The following FAM110C variants were observed in gnomAD, a reference collection of about 807,000 sequenced individuals.
FAM110C encodes the protein protein FAM110C.
Under a neutral mutation model 15.7 loss-of-function variants are expected in FAM110C, and 19 were observed. The ratio of observed to expected loss-of-function variants is 1.21; its 90% CI spans 0.85 to 1.78. The LOEUF (loss-of-function observed/expected upper bound fraction) is 1.78. Among genes scored for constraint, FAM110C ranks in the 40% most tolerant of loss-of-function variants. The pLI is 0.00. For missense variants in FAM110C, 547 were observed against 495.7 expected (o/e 1.10, Z -0.98); for synonymous variants, 275 against 233.9 (o/e 1.18, Z -1.61).
At chr2:43,599 C>G in intron 1 of FAM110C, 1 of 985,418 alleles carries the variant, frequency 1.0e-6, no homozygotes, top group Non-Finnish European at 1.2e-6. Flanking sequence ...TCATTCAGGT[C>G]ACTCTTTTGA....
chr2:46,172 C>A lies in FAM110C; in HGVS notation c.214G>T (p.Gly72Trp). The change falls in exon 1 of 2, where the codon GGG becomes TGG. Residue 72 changes from glycine (G) to tryptophan (W), a missense_variant. By Grantham distance (184) the Gly-to-Trp change is radical (BLOSUM62 -2). Transcript: ENST00000327669. Reference sequence around the variant, plus strand: ...CGGGCCGGGGGCCCAGGGTCGTTCCCCGGGCACTTGATCGCCCCCGGGCCG... The same window carrying A: ...CGGGCCGGGGGCCCAGGGTCGTTCCACGGGCACTTGATCGCCCCCGGGCCG... ...GSGPGAIKCP[G>W]NDPGPPARAP... 1 of 1,398,042 alleles carries A rather than the reference C, an allele frequency of 7.2e-7. No individual in the cohort carries two copies. The highest frequency in any genetic ancestry group is 2.9e-5 in the East Asian group (1 of 33,986). 86.6% of individuals were successfully genotyped at this position (1,398,042 alleles called of 1,614,324 possible).
intron 1 of FAM110C, chr2:43,828 ACT>A: frequency 1.0e-6 from 1 of 985,374 alleles, no homozygotes; most frequent in South Asian, 4.7e-5. Context: ...TCAATAGACA[ACT>A]TTTTTTTGTT....
chr2:42,971 C>G, intron 1 of FAM110C: 2 of 985,422 alleles, frequency 2.0e-6, no homozygotes, highest in Middle Eastern at 5.2e-4. Flanking sequence ...AGAGGACCGC[C>G]CCACTGACCA....
intron 1 of FAM110C, chr2:42,196 A>C: frequency 1.0e-6 from 1 of 985,284 alleles, no homozygotes; most frequent in Non-Finnish European, 1.2e-6. Context: ...TCCCGGGTTT[A>C]TTTTTTCTGC....
chr2:44,211 G>A lies in FAM110C; in HGVS notation c.946+1229C>T, dbSNP rs1016199291. On this transcript the variant is annotated intron_variant, in intron 1 of 1. Coordinates refer to ENST00000327669, the MANE Select transcript of FAM110C (RefSeq NM_001077710.3). ...CTATATATATTTGTTGGGAACTTAGGCTAGTGGAAAACACAAATCTTCTAT... is the reference window on the plus strand; with the variant it reads ...CTATATATATTTGTTGGGAACTTAGACTAGTGGAAAACACAAATCTTCTAT... 4.1e-5 allele frequency: 40 copies of A among 985,332 alleles called. No homozygotes were observed. In the East Asian group the frequency reaches 2.9e-3, roughly 73 times the overall value. 61.0% of individuals were successfully genotyped at this position (985,332 alleles called of 1,614,324 possible). A position where few individuals can be genotyped will look rare whatever the true frequency, so the allele number is the denominator to read the frequency against.
chr2:45,861 C>A lies in FAM110C; in HGVS notation c.525G>T (p.Ala175=). 6.7e-7 allele frequency: 1 copy of A among 1,498,042 alleles called. No individual in the cohort carries two copies. Among genetic ancestry groups the A allele is most frequent in the South Asian group, 1.3e-5 (1 of 77,536 alleles). The allele number at this position is 1,498,042 out of a possible 1,614,324, so 92.8% of individuals were successfully genotyped here. A position where few individuals can be genotyped will look rare whatever the true frequency, so the allele number is the denominator to read the frequency against. ...GCGCGGCCGGGACACTGGAGGGCGCCGCGGACCGCGCGGCTGGGGCTGGGG... is the reference window on the plus strand; with the variant it reads ...GCGCGGCCGGGACACTGGAGGGCGCAGCGGACCGCGCGGCTGGGGCTGGGG... ...PETPAPAARS[A]APSSVPAAPP... Residue 175 remains alanine (A), a synonymous_variant, in exon 1 of 2, where the codon GCG becomes GCT. Coordinates refer to ENST00000327669, the MANE Select transcript of FAM110C (RefSeq NM_001077710.3).
At chr2:44,930 T>G (rs1251263824) in intron 1 of FAM110C, 1 of 985,246 alleles carries the variant, frequency 1.0e-6, no homozygotes, top group African/African-American at 1.7e-5. Flanking sequence ...TCCAGGAAAG[T>G]GCAGGGAGTC....
rs1292295633 is a variant in FAM110C, at chr2:40,182, A to T, written c.*1426T>A. ...ATTTAAAATTATACTGACAAAAACTAAAATCATATGAAGTAAAATAAAACT... is the reference window on the plus strand; with the variant it reads ...ATTTAAAATTATACTGACAAAAACTTAAATCATATGAAGTAAAATAAAACT... On this transcript the variant is annotated 3_prime_UTR_variant, in exon 2 of 2. Coordinates refer to ENST00000327669, the MANE Select transcript of FAM110C (RefSeq NM_001077710.3). 6.6e-6 allele frequency: 1 copy of T among 152,220 alleles called. No homozygotes were observed. Among genetic ancestry groups the T allele is most frequent in the Non-Finnish European group, 1.5e-5 (1 of 68,038 alleles). The allele number at this position is 152,220 out of a possible 1,614,324, so 9.4% of individuals were successfully genotyped here.
chr2:45,004 A>T, intron 1 of FAM110C: 2 of 985,342 alleles, frequency 2.0e-6, no homozygotes, highest in Non-Finnish European at 2.4e-6. Context: ...GGTCAGCTCC[A>T]ATCAAACATC....
Position 45,597 on chromosome 2 carries a change from GTGCCGGGAGAAGCCGC to G in FAM110C, c.773_788del (p.Ser258ThrfsTer14), listed in dbSNP as rs1348747632. The G allele has an allele frequency of 3.1e-6, 5 of 1,612,388 alleles. No homozygotes were observed. The highest frequency in any genetic ancestry group is 4.2e-6 in the Non-Finnish European group (5 of 1,179,848). On this transcript the variant is annotated frameshift_variant, in exon 1 of 2. Transcript: ENST00000327669. LOFTEE classifies it high-confidence loss of function. ...GCAGCCCCTCGTCGTCGCCGCCGCT[GTGCCGGGAGAAGCCGC>G]TGCCGGAGGTGGCGACGCTCACGCT...
rs1664073939 is a variant in FAM110C, at chr2:39,560, C to A, written c.*2048G>T. 6.6e-6 allele frequency: 1 copy of A among 152,202 alleles called. No homozygotes were observed. The highest frequency in any genetic ancestry group is 2.4e-5 in the African/African-American group (1 of 41,438). 9.4% of individuals were successfully genotyped at this position (152,202 alleles called of 1,614,324 possible). ...TTCCCCTGTTCTTCATGCCCCGTTTCTGATATCTACTTCTAGAATTCACTC... is the reference window on the plus strand; with the variant it reads ...TTCCCCTGTTCTTCATGCCCCGTTTATGATATCTACTTCTAGAATTCACTC... On this transcript the variant is annotated 3_prime_UTR_variant, in exon 2 of 2. Coordinates refer to ENST00000327669, the MANE Select transcript of FAM110C (RefSeq NM_001077710.3).
Position 41,519 on chromosome 2 carries a change from T to C in FAM110C, c.*89A>G. The C allele has an allele frequency of 1.4e-6, 2 of 1,463,808 alleles. No individual in the cohort carries two copies. Among genetic ancestry groups the C allele is most frequent in the Admixed American group, 1.9e-5 (1 of 51,980 alleles). The allele number at this position is 1,463,808 out of a possible 1,614,324, so 90.7% of individuals were successfully genotyped here. A position where few individuals can be genotyped will look rare whatever the true frequency, so the allele number is the denominator to read the frequency against. On this transcript the variant is annotated 3_prime_UTR_variant, in exon 2 of 2. Transcript: ENST00000327669. ...TGTCAATGGGATGCTGCATTCCTGG[T>C]AAAACAGCAATCATGTGGTCACCTA...
Position 45,759 on chromosome 2 carries a change from G to C in FAM110C, c.627C>G (p.Ser209=), listed in dbSNP as rs1268638118. The change falls in exon 1 of 2, where the codon TCC becomes TCG. Residue 209 remains serine, a synonymous_variant. Transcript: ENST00000327669. ...AGGTGTCAGACTCGGCCAAGGCAGC[G>C]GAATAGCGGGAGCTGAGGTCCGACT... is the stretch of plus-strand genomic sequence containing the variant. ...RSQSDLSSRY[S]AALAESDTFF... is the part of the protein sequence containing the mutation. 6.3e-7 allele frequency: 1 copy of C among 1,582,600 alleles called. No individual in the cohort carries two copies. The highest frequency in any genetic ancestry group is 1.8e-5 in the Admixed American group (1 of 55,738).
Position 46,391 on chromosome 2 carries a change from CG to C in FAM110C, c.-7del. On this transcript the variant is annotated 5_prime_UTR_variant, in exon 1 of 2. Coordinates refer to ENST00000327669, the MANE Select transcript of FAM110C (RefSeq NM_001077710.3). Reference sequence around the variant, plus strand: ...AGGGCCGCCAGGGCGCGCATCTTCGCGGGGAATGGACCGACCGGGGTTCCGG... The same window carrying C: ...AGGGCCGCCAGGGCGCGCATCTTCGCGGGAATGGACCGACCGGGGTTCCGG... 7.8e-7 allele frequency: 1 copy of C among 1,274,052 alleles called. No individual in the cohort carries two copies. Among genetic ancestry groups the C allele is most frequent in the South Asian group, 2.7e-5 (1 of 37,292 alleles). 78.9% of individuals were successfully genotyped at this position (1,274,052 alleles called of 1,614,324 possible).
rs560363691 is a variant in FAM110C, at chr2:44,386, T to C, written c.946+1054A>G. 15 of 985,438 alleles carry C rather than the reference T, an allele frequency of 1.5e-5. 1 individual carries two copies. The East Asian group carries it at 1.6e-3, about 104-fold the overall frequency. The allele number at this position is 985,438 out of a possible 1,614,324, so 61.0% of individuals were successfully genotyped here. On this transcript the variant is annotated intron_variant, in intron 1 of 1. Coordinates refer to ENST00000327669, the MANE Select transcript of FAM110C (RefSeq NM_001077710.3). ...TTAGCTGTCAAACATAGGTGAGCCC[T>C]GTGCAAACATCTCTTGGGCAGCCTC... is the stretch of plus-strand genomic sequence containing the variant.
chr2:46,260 C>A lies in FAM110C; in HGVS notation c.126G>T (p.Ala42=), dbSNP rs781464239. Reference sequence around the variant, plus strand: ...GACCCCGCACATACTTGGCGCGATCCGCCGCCAGCCTCTCCACTGCGCTCC... The same window carrying A: ...GACCCCGCACATACTTGGCGCGATCAGCCGCCAGCCTCTCCACTGCGCTCC... The part of the protein sequence containing the change: ...ARRSAVERLA[A]DRAKYVRGRP... Residue 42 remains alanine (A), a synonymous_variant, in exon 1 of 2, where the codon GCG becomes GCT. Transcript: ENST00000327669. The A allele has an allele frequency of 7.1e-7, 1 of 1,408,700 alleles. No homozygotes were observed. Among genetic ancestry groups the A allele is most frequent in the South Asian group, 1.5e-5 (1 of 66,442 alleles). The allele number at this position is 1,408,700 out of a possible 1,614,324, so 87.3% of individuals were successfully genotyped here.
intron 1 of FAM110C, chr2:42,858 T>C (rs1232704077): frequency 2.0e-6 from 2 of 985,456 alleles, no homozygotes; most frequent in Non-Finnish European, 2.4e-6. Context: ...CTAAAATGAA[T>C]CCTTATAAAT....
Position 43,624 on chromosome 2 carries a change from A to G in FAM110C, c.946+1816T>C, listed in dbSNP as rs1664187644. 3 of 985,394 alleles carry G rather than the reference A, an allele frequency of 3.0e-6. No individual in the cohort carries two copies. The South Asian group carries it at 1.4e-4, about 46-fold the overall frequency. The allele number at this position is 985,394 out of a possible 1,614,324, so 61.0% of individuals were successfully genotyped here. The stretch of plus-strand genomic sequence containing the variant: ...CACTCTTTTGACATTGGCTAATTCG[A>G]GATGGGAACCAGCCTGGGTCTGGAG... On this transcript the variant is annotated intron_variant, in intron 1 of 1. Transcript: ENST00000327669.
At position 45,522 on chromosome 2, in the gene FAM110C, C is replaced by A; in HGVS notation, c.864G>T (p.Glu288Asp). The A allele has an allele frequency of 6.2e-7, 1 of 1,614,166 alleles. No homozygotes were observed. Among genetic ancestry groups the A allele is most frequent in the South Asian group, 1.1e-5 (1 of 91,088 alleles). Residue 288 changes from glutamate to aspartate, a missense_variant, in exon 1 of 2, where the codon GAG becomes GAT. By Grantham distance (45) the Glu-to-Asp change is conservative. Coordinates refer to ENST00000327669, the MANE Select transcript of FAM110C (RefSeq NM_001077710.3). ...EQVPSTTSVIERNARIIKWLY... is the reference protein window; with the variant it reads ...EQVPSTTSVIDRNARIIKWLY... ...GCCACTTGATGATGCGGGCGTTCCT[C>A]TCGATGACCGAAGTGGTGCTGGGCA...
Sources: allele counts gnomAD v4.1 joint callset, GRCh38; gene constraint gnomAD v4.1.1; transcripts MANE v1.5; gene names NCBI Gene and HGNC (gene_info 2026-07-23, HGNC 2026-07-21).